LRP2: variants seen among roughly 807,000 people sequenced by gnomAD.
The protein encoded by LRP2 is LDL receptor related protein 2.
A neutral mutation model predicts 531.0 loss-of-function variants in LRP2; 172 were observed. The observed-to-expected ratio is 0.32, with a 90% CI of 0.29 to 0.37. The LOEUF is 0.37. Ranked by LOEUF, LRP2 falls within the 10% of genes least tolerant of loss-of-function variation. The pLI, the probability that LRP2 is intolerant of heterozygous loss-of-function variation, is 1.00. For synonymous variants in LRP2, 1,992 were observed against 2,027.6 expected, an observed-to-expected ratio of 0.98 and a Z score of 0.47; for missense variants, 5,167 against 5,868.3, an observed-to-expected ratio of 0.88 and a Z score of 3.90.
chr2:169,329,287 A>G (rs56217955), intron 1 of LRP2, among the ~76,000 whole-genome samples: 5,726 of 152,232 alleles, frequency 0.038, 168 homozygotes, highest in East Asian at 0.091. Flanking sequence ...TCACGCCTGT[A>G]ATCCCAGCAC....
At chr2:169,322,684 T>C (rs1684939124) in intron 1 of LRP2, among the ~76,000 whole-genome samples, 1 of 152,186 alleles carries the variant, frequency 6.6e-6, no homozygotes. Flanking sequence ...ATCAATTAGG[T>C]CTATTGTTAG....
intron 9 of LRP2, among the ~76,000 whole-genome samples, chr2:169,286,778 C>T (rs1009858208): frequency 6.6e-6 from 1 of 152,104 alleles, no homozygotes; most frequent in Non-Finnish European, 1.5e-5. Flanking sequence ...GACTTCATGG[C>T]CTATCAAGTT....
intron 1 of LRP2, among the ~76,000 whole-genome samples, chr2:169,361,330 G>GTCTCTCTGTCTCTCTC (rs1686144293): frequency 3.1e-5 from 1 of 32,180 alleles, no homozygotes; most frequent in African/African-American, 1.4e-4. Flanking sequence ...GTCTCTCTCT[G>GTCTCTCTGTCTCTCTC]TCTCTCTCTG....
At chr2:169,221,917 C>T (rs62172634) in intron 33 of LRP2, among the ~76,000 whole-genome samples, 5,641 of 131,142 alleles carry the variant, frequency 0.043, 150 homozygotes, top group South Asian at 0.14. Flanking sequence ...CTCTCTCACA[C>T]GGCCATTCTG....
chr2:169,213,781 G>T lies in LRP2; in HGVS notation c.5916C>A (p.Phe1972Leu). Residue 1972 changes from phenylalanine (F) to leucine (L), a missense_variant, in exon 36 of 79, where the codon TTC becomes TTA. Around this residue, in one of 6 missense-constraint regions of LRP2, gnomAD observed 2,811 missense variants for 3,058.0 expected, o/e 0.92. Coordinates refer to ENST00000649046, the MANE Select transcript of LRP2 (RefSeq NM_004525.3). ...CATACTGTTCATCAGTATAATAAAG[G>T]AAAGAATCATGGACTGCAATTCCCC... ...HPWGIAVHDS[F>L]LYYTDEQYEV... 6.2e-7 allele frequency: 1 copy of T among 1,613,670 alleles called. No individual in the cohort carries two copies. The highest frequency in any genetic ancestry group is 8.5e-7 in the Non-Finnish European group (1 of 1,179,678).
At position 169,197,119 on chromosome 2, in the gene LRP2, A is replaced by G. The variant is rs1022533390; in HGVS notation, c.8579-89T>C. ...CAATCTGCCTCTATCTCTGAGCTAGATAATAGTTACCAAAAAAGGAAGACT... is the reference window on the plus strand; with the variant it reads ...CAATCTGCCTCTATCTCTGAGCTAGGTAATAGTTACCAAAAAAGGAAGACT... On this transcript the variant is annotated intron_variant, in intron 45 of 78. Transcript: ENST00000649046. 2.0e-6 allele frequency: 3 copies of G among 1,498,758 alleles called. No homozygotes were observed. The Admixed American group carries it at 5.4e-5, about 27-fold the overall frequency. The allele number at this position is 1,498,758 out of a possible 1,614,324, so 92.8% of individuals were successfully genotyped here.
At chr2:169,270,061 A>G (rs1683361451) in intron 16 of LRP2, among the ~76,000 whole-genome samples, 1 of 152,208 alleles carries the variant, frequency 6.6e-6, no homozygotes, top group Non-Finnish European at 1.5e-5. Context: ...ATGAGATACC[A>G]TCTCACACCA....
At position 169,182,061 on chromosome 2, in the gene LRP2, C is replaced by A. The variant is rs17848180; in HGVS notation, c.9998+106G>T. On this transcript the variant is annotated intron_variant, in intron 51 of 78. Coordinates refer to ENST00000649046, the MANE Select transcript of LRP2 (RefSeq NM_004525.3). ...CCAAGTAGGAAAAGCAGAAGACAAA[C>A]CCCAGCAAGACATTGGCCTTGAGAT... is the stretch of plus-strand genomic sequence containing the variant. 10 of 1,451,140 alleles carry A rather than the reference C, an allele frequency of 6.9e-6. No individual in the cohort carries two copies. In the African/African-American group the frequency reaches 1.4e-4, roughly 20 times the overall value. 89.9% of individuals were successfully genotyped at this position (1,451,140 alleles called of 1,614,324 possible).
At chr2:169,283,115 A>G (rs1049828961) in intron 9 of LRP2, 114 bp from the exon 10 acceptor site, 2 of 1,042,126 alleles carry the variant, frequency 1.9e-6, no homozygotes, top group Non-Finnish European at 3.0e-6. Flanking sequence ...ATGTCTAAAT[A>G]AACACCCTCT....
At chr2:169,148,061 A>G (rs913666594) in intron 68 of LRP2, among the ~76,000 whole-genome samples, 10 of 152,260 alleles carry the variant, frequency 6.6e-5, no homozygotes, top group Non-Finnish European at 1.3e-4. Context: ...GGCATAGGCC[A>G]AGTTTTAAAT....
chr2:169,170,921 G>GTTTTTTTTTTT (rs57451386), intron 58 of LRP2, among the ~76,000 whole-genome samples: 3 of 91,846 alleles, frequency 3.3e-5, no homozygotes, highest in African/African-American at 8.6e-5. Context: ...CTCTCTCTCT[G>GTTTTTTTTTTT]TTTTTTTTTT....
At chr2:169,310,662 C>G (rs944239000) in intron 3 of LRP2, among the ~76,000 whole-genome samples, 1 of 152,114 alleles carries the variant, frequency 6.6e-6, no homozygotes, top group Non-Finnish European at 1.5e-5. Context: ...CTAAAATTCT[C>G]TTTTTTTGTT....
At chr2:169,300,685 A>G (rs1392259817) in intron 4 of LRP2, among the ~76,000 whole-genome samples, 1 of 152,068 alleles carries the variant, frequency 6.6e-6, no homozygotes, top group African/African-American at 2.4e-5. Context: ...TCCAGGTTTC[A>G]GGGCTCTGAA....
rs565298349 is a variant in LRP2, at chr2:169,219,699, G to A, written c.5648+755C>T. On this transcript the variant is annotated intron_variant, in intron 34 of 78. Transcript: ENST00000649046. ...TGTGGACTACTAGAGAGGGGAGGAAGGGAGGAGGGCATGGGTTGAAAAACT... is the reference window on the plus strand; with the variant it reads ...TGTGGACTACTAGAGAGGGGAGGAAAGGAGGAGGGCATGGGTTGAAAAACT... Among the ~76,000 whole-genome samples the A allele has an allele frequency of 2.6e-5, 4 of 152,288 alleles. 1 individual carries two copies. The South Asian group carries it at 8.3e-4, about 32-fold the overall frequency.
rs2105333544 is a variant in LRP2 at position 169,206,880 on chromosome 2, A to C, written c.6840T>G (p.Pro2280=). ...AATTTTCAAAAACAGTGATGCCATA[A>C]GGAGTTGGGTAACGACTGCCATAAC... ...VIRYGSRYPT[P]YGITVFENSI... is the part of the protein sequence containing the mutation. Residue 2280 remains proline, a synonymous_variant, in exon 39 of 79, where the codon CCT becomes CCG. Transcript: ENST00000649046. 3 of 1,614,210 alleles carry C rather than the reference A, an allele frequency of 1.9e-6. No individual in the cohort carries two copies. The highest frequency in any genetic ancestry group is 2.5e-6 in the Non-Finnish European group (3 of 1,180,050).
intron 5 of LRP2, 122 bp downstream of exon 5, chr2:169,294,478 C>CT: frequency 1.1e-5 from 9 of 826,192 alleles, no homozygotes; most frequent in Non-Finnish European, 1.9e-5. Flanking sequence ...CAACGGCTGA[C>CT]TTCAAACTAC....
intron 19 of LRP2, among the ~76,000 whole-genome samples, chr2:169,248,639 T>TGGCC (rs1292151526): frequency 1.6e-5 from 2 of 124,020 alleles, no homozygotes; most frequent in East Asian, 3.9e-4. Context: ...GGAGCCAAGA[T>TGGCC]GGCCGAATAG....
chr2:169,302,743 G>GTTT (rs71003076), intron 4 of LRP2, among the ~76,000 whole-genome samples: 1 of 147,900 alleles, frequency 6.8e-6, no homozygotes, highest in African/African-American at 2.5e-5. Flanking sequence ...AGTGACCTGG[G>GTTT]TTTTTTTTTT....
chr2:169,255,927 A>G (rs1422025281), intron 19 of LRP2, among the ~76,000 whole-genome samples, 179 bp downstream of exon 19: 1 of 151,952 alleles, frequency 6.6e-6, no homozygotes, highest in East Asian at 1.9e-4. Flanking sequence ...CACTCTAAAA[A>G]TGAAATACAC....
Sources: allele counts gnomAD v4.1 joint callset (sites outside exome capture counted in the v4.1 genomes callset), GRCh38; gene constraint gnomAD v4.1.1; regional missense constraint gnomAD v4.1.1; transcripts MANE v1.5; gene names NCBI Gene and HGNC (gene_info 2026-07-23, HGNC 2026-07-21).